The following ACER3 variants were observed in gnomAD, a reference collection of about 807,000 sequenced individuals.
ACER3 encodes alkCDase 3.
A neutral mutation model predicts 48.9 loss-of-function variants in ACER3; 16 were observed. The observed-to-expected ratio is 0.33, with a 90% confidence interval of 0.22 to 0.50. The LOEUF is 0.50. Ranked by LOEUF, ACER3 falls within the 20% of genes least tolerant of loss-of-function variation. ACER3 has a pLI of 0.98. For missense variants in ACER3, 227 were observed against 326.0 expected, an observed-to-expected ratio of 0.70 and a Z score of 2.34; for synonymous variants, 109 against 107.8, an observed-to-expected ratio of 1.01 and a Z score of -0.07.
intron 7 of ACER3, chr11:77,011,447 A>G: frequency 1.1e-6 from 1 of 894,996 alleles, no homozygotes. Context: ...ATATTTCAGT[A>G]CCTGGCCCAC....
chr11:76,970,408 ATTG>A (rs1948266848), intron 3 of ACER3, among the ~76,000 whole-genome samples: 2 of 152,210 alleles, frequency 1.3e-5, no homozygotes, highest in Non-Finnish European at 2.9e-5. Flanking sequence ...ACAAAACCAA[ATTG>A]AAGGACATTA....
intron 6 of ACER3, among the ~76,000 whole-genome samples, chr11:76,991,916 A>C (rs1053953296): frequency 2.0e-5 from 3 of 152,136 alleles, no homozygotes; most frequent in Non-Finnish European, 4.4e-5. Context: ...TTATTTAGAA[A>C]GTTTTATTAA....
intron 4 of ACER3, among the ~76,000 whole-genome samples, chr11:76,981,395 G>A (rs1948580086): frequency 6.6e-6 from 1 of 152,174 alleles, no homozygotes; most frequent in Non-Finnish European, 1.5e-5. Context: ...AGTTTACATG[G>A]AATAAAATGC....
intron 5 of ACER3, among the ~76,000 whole-genome samples, chr11:76,987,644 G>A (rs1205771180): frequency 1.3e-5 from 2 of 152,102 alleles, no homozygotes; most frequent in African/African-American, 4.8e-5. Context: ...AGGCCGTTAA[G>A]ATGACTAAAG....
intron 3 of ACER3, among the ~76,000 whole-genome samples, chr11:76,959,745 G>T (rs990525496): frequency 2.6e-5 from 4 of 151,736 alleles, no homozygotes; most frequent in Non-Finnish European, 5.9e-5. Context: ...GTAGAGACGG[G>T]GTTTCAACAT....
intron 1 of ACER3, among the ~76,000 whole-genome samples, chr11:76,925,181 G>T (rs1463754532): frequency 7.9e-5 from 12 of 152,068 alleles, no homozygotes; most frequent in African/African-American, 2.9e-4. Flanking sequence ...GTAAAAGAAA[G>T]AACGATGCGT....
intron 4 of ACER3, among the ~76,000 whole-genome samples, chr11:76,978,060 C>T (rs530688217): frequency 4.5e-4 from 68 of 152,244 alleles, no homozygotes; most frequent in Non-Finnish European, 7.5e-4. Context: ...GAGGCCGAGG[C>T]GGGGACTGAG....
At chr11:76,921,698 C>T (rs1946689868) in intron 1 of ACER3, among the ~76,000 whole-genome samples, 1 of 151,908 alleles carries the variant, frequency 6.6e-6, no homozygotes, top group South Asian at 2.1e-4. Flanking sequence ...TTAATTTGTA[C>T]CCAAAACCAT....
At chr11:76,912,430 A>C (rs1565172974) in intron 1 of ACER3, among the ~76,000 whole-genome samples, 1 of 152,212 alleles carries the variant, frequency 6.6e-6, no homozygotes, top group Non-Finnish European at 1.5e-5. Context: ...CTAGGAAATT[A>C]ATACAGATGT....
At chr11:76,868,378 TC>T in intron 1 of ACER3, 1 of 382,156 alleles carries the variant, frequency 2.6e-6, no homozygotes, top group South Asian at 2.6e-5. Flanking sequence ...TTTTAATATC[TC>T]TCTCTCTCTC....
chr11:76,995,256 A>G (rs771026376), intron 6 of ACER3, among the ~76,000 whole-genome samples: 3 of 152,126 alleles, frequency 2.0e-5, no homozygotes, highest in Non-Finnish European at 4.4e-5. Flanking sequence ...GCATGTTTCT[A>G]CTTTAGGACT....
Position 76,911,394 on chromosome 11 carries a change from T to A in ACER3, c.104-15163T>A, listed in dbSNP as rs1946374019. Among the ~76,000 whole-genome samples, 4 of 152,158 alleles carry A rather than the reference T, an allele frequency of 2.6e-5. No homozygotes were observed. In the South Asian group the frequency reaches 8.3e-4, roughly 32 times the overall value. The stretch of plus-strand genomic sequence containing the variant: ...AGTGTCTTTTCGCATGCTAATGCAT[T>A]ATAATTAGCATATGATTAGCAGTGC... On this transcript the variant is annotated intron_variant, in intron 1 of 10. Coordinates refer to ENST00000532485, the MANE Select transcript of ACER3 (RefSeq NM_018367.7).
At chr11:77,010,904 A>C (rs1555022039) in intron 7 of ACER3, among the ~76,000 whole-genome samples, 1 of 152,212 alleles carries the variant, frequency 6.6e-6, no homozygotes, top group African/African-American at 2.4e-5. Flanking sequence ...ACAGAGAAAA[A>C]TATGTTTTCA....
chr11:76,878,331 T>A (rs1367630257), intron 1 of ACER3, among the ~76,000 whole-genome samples: 2 of 152,010 alleles, frequency 1.3e-5, no homozygotes, highest in African/African-American at 4.8e-5. Context: ...AATTCTCGAA[T>A]TTTTTGGTCT....
rs1949516700 is a variant in ACER3 at position 77,024,269 on chromosome 11, T to C, written c.*3942T>C. 1 of 31,982 alleles carries C rather than the reference T, an allele frequency of 3.1e-5. No individual in the cohort carries two copies. The highest frequency in any genetic ancestry group is 5.7e-5 in the African/African-American group (1 of 17,632). 2.0% of individuals were successfully genotyped at this position (31,982 alleles called of 1,614,324 possible). Reference sequence around the variant, plus strand: ...GCCTGGGCAACAGAGTGAGACCCTGTCTCAAAAAAAAAAAAAAAAAAAAAA... The same window carrying C: ...GCCTGGGCAACAGAGTGAGACCCTGCCTCAAAAAAAAAAAAAAAAAAAAAA... On this transcript the variant is annotated 3_prime_UTR_variant, in exon 11 of 11. Coordinates refer to ENST00000532485, the MANE Select transcript of ACER3 (RefSeq NM_018367.7).
intron 2 of ACER3, among the ~76,000 whole-genome samples, chr11:76,950,922 A>G (rs1191662232): frequency 3.3e-5 from 5 of 152,230 alleles, no homozygotes; most frequent in Non-Finnish European, 7.3e-5. Flanking sequence ...TAAAAATTCT[A>G]CTTGCCCTCA....
intron 1 of ACER3, among the ~76,000 whole-genome samples, chr11:76,898,093 A>G (rs1590897807): frequency 6.6e-6 from 1 of 152,186 alleles, no homozygotes; most frequent in Non-Finnish European, 1.5e-5. Context: ...CAATTATTAT[A>G]GTATAGACTG....
At chr11:76,935,129 G>A (rs1355532343) in intron 2 of ACER3, among the ~76,000 whole-genome samples, 1 of 152,242 alleles carries the variant, frequency 6.6e-6, no homozygotes, top group East Asian at 1.9e-4. Flanking sequence ...TTGAGGGAGA[G>A]TAGAGTCTAC....
chr11:76,998,516 C>A, intron 6 of ACER3: 1 of 396,668 alleles, frequency 2.5e-6, no homozygotes, highest in African/African-American at 2.1e-5. Context: ...AGGATCCATT[C>A]AGAATTAAAA....
Sources: allele counts gnomAD v4.1 joint callset (sites outside exome capture counted in the v4.1 genomes callset), GRCh38; gene constraint gnomAD v4.1.1; transcripts MANE v1.5; gene names NCBI Gene and HGNC (gene_info 2026-07-23, HGNC 2026-07-21).